STIL: variants seen among roughly 807,000 people sequenced by gnomAD.
The protein encoded by STIL is STIL centriolar assembly protein, also known as SCL-interrupting locus protein.
Under a neutral mutation model 110.1 loss-of-function variants are expected in STIL, and 55 were observed. That is an observed-to-expected ratio of 0.50 (90% CI 0.40 to 0.63). The LOEUF is 0.63. Among genes scored for constraint, STIL ranks in the 20% least tolerant of loss-of-function variants. STIL has a pLI of 0.00. For missense variants in STIL, 1,358 were observed against 1,530.0 expected, an observed-to-expected ratio of 0.89 and a Z score of 1.87; for synonymous variants, 481 against 530.0, an observed-to-expected ratio of 0.91 and a Z score of 1.27.
In STIL at chr1:47,269,824, G is replaced by C. The variant is rs1644766464; in HGVS notation, c.2426C>G (p.Pro809Arg). The change falls in exon 14 of 17, where the codon CCT becomes CGT. Residue 809 changes from proline (P) to arginine (R), a missense_variant. By Grantham distance (103) the Pro-to-Arg change is moderately radical (BLOSUM62 -2). Transcript: ENST00000371877. ...ATCATCTTGCTTCATTTGAGAGTCA[G>C]GCTCTTGATCCTCACCTGCTGCATT... ...FWNAAGEDQE[P>R]DSQMKQDDTK... 2 of 1,614,056 alleles carry C rather than the reference G, an allele frequency of 1.2e-6. No individual in the cohort carries two copies. Among genetic ancestry groups the C allele is most frequent in the African/African-American group, 1.3e-5 (1 of 74,914 alleles).
intron 10 of STIL, among the ~76,000 whole-genome samples, chr1:47,286,022 G>A (rs1025610805): frequency 1.3e-5 from 2 of 151,638 alleles, no homozygotes; most frequent in Non-Finnish European, 2.9e-5. Context: ...TTACAGGCAC[G>A]CTCCAGTGCG....
chr1:47,273,833 CATCA>C (rs1212270323), intron 12 of STIL, among the ~76,000 whole-genome samples: 2 of 152,094 alleles, frequency 1.3e-5, no homozygotes, highest in African/African-American at 2.4e-5. Context: ...AAATAAGTAT[CATCA>C]ATCAATTATT....
chr1:47,299,132 G>C (rs1464675527), intron 6 of STIL, among the ~76,000 whole-genome samples: 1 of 150,794 alleles, frequency 6.6e-6, no homozygotes, highest in Non-Finnish European at 1.5e-5. Context: ...AGGATCACCT[G>C]AAGTCTGGAG....
In STIL at chr1:47,250,881, A is replaced by G; in HGVS notation, c.*255T>C. 1 of 467,560 alleles carries G rather than the reference A, an allele frequency of 2.1e-6. No homozygotes were observed. Among genetic ancestry groups the G allele is most frequent in the Non-Finnish European group, 3.8e-6 (1 of 263,174 alleles). The allele number at this position is 467,560 out of a possible 1,614,324, so 29.0% of individuals were successfully genotyped here. ...TAGAGCTGGATAGTATCTGTCTACT[A>G]CTTAAACTTGTAGGAATAACTGATC... On this transcript the variant is annotated 3_prime_UTR_variant, in exon 17 of 17. Coordinates refer to ENST00000371877, the MANE Select transcript of STIL (RefSeq NM_001048166.1).
intron 2 of STIL, among the ~76,000 whole-genome samples, chr1:47,307,841 T>A (rs1247546929): frequency 1.3e-5 from 2 of 152,208 alleles, no homozygotes; most frequent in Non-Finnish European, 2.9e-5. Context: ...AATGCGCACC[T>A]AGGGGTAGGT....
chr1:47,313,945 C>A (rs1646214433), intron 1 of STIL, 91 bp downstream of exon 1: 2 of 152,438 alleles, frequency 1.3e-5, no homozygotes, highest in South Asian at 4.1e-4. Flanking sequence ...GGGCGGAACC[C>A]ACTACAGGGC....
At chr1:47,301,895 TAA>T in intron 4 of STIL, 147 bp from the exon 5 acceptor site, 2 of 751,654 alleles carry the variant, frequency 2.7e-6, no homozygotes, top group East Asian at 5.3e-5. Context: ...TACAGTAAAC[TAA>T]ACTCTTATAA....
At chr1:47,270,241 A>ATATAT (rs1553172351) in intron 13 of STIL, among the ~76,000 whole-genome samples, 2 of 118,648 alleles carry the variant, frequency 1.7e-5, no homozygotes, top group Admixed American at 8.9e-5. Context: ...AAAAAAAAAA[A>ATATAT]ATATATATAT....
At position 47,280,763 on chromosome 1, in the gene STIL, A is replaced by C; in HGVS notation, c.1695T>G (p.Leu565=). The C allele has an allele frequency of 2.5e-6, 4 of 1,613,972 alleles. No individual in the cohort carries two copies. The highest frequency in any genetic ancestry group is 2.2e-5 in the East Asian group (1 of 44,886). ...PSTLNSRQSS[L]APQSQPHDFV... ...AATCGTGTGGTTGGGACTGCGGGGC[A>C]AGAGAAGACTGCCTAGAATTAAGTG... The change falls in exon 12 of 17, where the codon CTT becomes CTG. Residue 565 remains leucine (L), a synonymous_variant. Coordinates refer to ENST00000371877, the MANE Select transcript of STIL (RefSeq NM_001048166.1).
Position 47,251,479 on chromosome 1 carries a change from T to G in STIL, c.3524A>C (p.Asp1175Ala). The G allele has an allele frequency of 6.2e-7, 1 of 1,614,234 alleles. No homozygotes were observed. Among genetic ancestry groups the G allele is most frequent in the Non-Finnish European group, 8.5e-7 (1 of 1,180,048 alleles). The change falls in exon 17 of 17, where the codon GAC becomes GCC. Residue 1175 changes from aspartate to alanine, a missense_variant. By Grantham distance (126) the Asp-to-Ala change is moderately radical. Transcript: ENST00000371877. ...GTTAGAACAATTAATTATTTCATGGTCATTCTTAGAAGGCTCTTTCTGACC... is the reference window on the plus strand; with the variant it reads ...GTTAGAACAATTAATTATTTCATGGGCATTCTTAGAAGGCTCTTTCTGACC... ...LGGQKEPSKN[D>A]HEIINCSNCE...
At chr1:47,285,873 T>C (rs1645283060) in intron 10 of STIL, among the ~76,000 whole-genome samples, 1 of 152,084 alleles carries the variant, frequency 6.6e-6, no homozygotes, top group Non-Finnish European at 1.5e-5. Context: ...ATTTTTTTTT[T>C]TTAGGTAGGA....
At chr1:47,308,535 G>A (rs569244454) in intron 2 of STIL, among the ~76,000 whole-genome samples, 1 of 151,816 alleles carries the variant, frequency 6.6e-6, no homozygotes, top group Non-Finnish European at 1.5e-5. Context: ...TCACGTTTTC[G>A]CTTATTTGTG....
rs1369165947 is a variant in STIL, at chr1:47,288,188, T to C, written c.1024-528A>G. On this transcript the variant is annotated intron_variant, in intron 9 of 16. Transcript: ENST00000371877. ...TATTTAAAAGTATTCAATATTTTTC[T>C]AATAAAGAATGTACTTTTATTAGTC... 2.0e-5 allele frequency among the ~76,000 whole-genome samples: 3 copies of C among 151,678 alleles called. No homozygotes were observed. In the East Asian group the frequency reaches 5.8e-4, roughly 29 times the overall value.
upstream of STIL, chr1:47,314,264 A>G (rs13375432): frequency 1.3e-5 from 2 of 152,378 alleles, no homozygotes; most frequent in African/African-American, 4.8e-5. Flanking sequence ...GGTCGCCGTT[A>G]CGTATTGGTG....
rs1644421835 is a variant in STIL at position 47,259,422 on chromosome 1, C to T, written c.3080+867G>A. ...TCTCTTGCCTCAGCCTCCCAAGTAG[C>T]TGAGATTACAGGCGCCCGCCACCGC... On this transcript the variant is annotated intron_variant, in intron 16 of 16. Transcript: ENST00000371877. Among the ~76,000 whole-genome samples, 4 of 149,618 alleles carry T rather than the reference C, an allele frequency of 2.7e-5. No homozygotes were observed. In the South Asian group the frequency reaches 8.6e-4, roughly 32 times the overall value.
chr1:47,256,620 CA>C (rs35642855), intron 16 of STIL, among the ~76,000 whole-genome samples: 2,042 of 86,012 alleles, frequency 0.024, 46 homozygotes, highest in African/African-American at 0.081. Context: ...GACTCCATCT[CA>C]AAAAAAAAAA....
chr1:47,258,751 T>G (rs946078884), intron 16 of STIL, among the ~76,000 whole-genome samples: 1 of 152,004 alleles, frequency 6.6e-6, no homozygotes, highest in African/African-American at 2.4e-5. Context: ...AAGCCTGTAG[T>G]GCCAGCTACT....
chr1:47,269,008 G>A (rs145015072), intron 14 of STIL, among the ~76,000 whole-genome samples: 40 of 149,092 alleles, frequency 2.7e-4, no homozygotes, highest in African/African-American at 9.0e-4. Context: ...GGAGAATGGC[G>A]TGAACCCGGG....
At chr1:47,312,670 T>G (rs1315703483) in intron 1 of STIL, among the ~76,000 whole-genome samples, 1 of 152,250 alleles carries the variant, frequency 6.6e-6, no homozygotes, top group African/African-American at 2.4e-5. Context: ...AAATGCGCTA[T>G]TTGTGTTTTA....
Sources: gnomAD v4.1 joint callset for allele counts (sites outside exome capture counted in the v4.1 genomes callset) on GRCh38, gnomAD v4.1.1 for gene constraint, MANE v1.5 for transcripts, NCBI Gene and HGNC (gene_info 2026-07-23, HGNC 2026-07-21) for gene names.